DNM1L: variants seen among roughly 807,000 people sequenced by gnomAD.
DNM1L encodes the protein dynamin-1-like protein.
Under a neutral mutation model 92.8 loss-of-function variants are expected in DNM1L, and 33 were observed. The ratio of observed to expected loss-of-function variants is 0.36; its 90% confidence interval spans 0.27 to 0.48. The LOEUF is 0.48. Among genes scored for constraint, DNM1L ranks in the 20% least tolerant of loss-of-function variants. The probability of loss-of-function intolerance (pLI) is 0.99; values close to 1 mark genes in which losing one functional copy is unlikely to be tolerated. For synonymous variants in DNM1L, 284 were observed against 305.0 expected, an observed-to-expected ratio of 0.93 and a Z score of 0.72; for missense variants, 485 against 888.8, an observed-to-expected ratio of 0.55 and a Z score of 5.78.
chr12:32,724,429 A>G (rs1953967028), intron 9 of DNM1L, among the ~76,000 whole-genome samples: 1 of 151,516 alleles, frequency 6.6e-6, no homozygotes, highest in Admixed American at 6.6e-5. Flanking sequence ...TACAAAAATT[A>G]GCTGGGCGTG....
intron 18 of DNM1L, 78 bp downstream of exon 18, chr12:32,740,596 T>G (rs914843353): frequency 2.4e-5 from 31 of 1,300,938 alleles, no homozygotes; most frequent in Non-Finnish European, 4.3e-6. Flanking sequence ...AATACATGTA[T>G]TTTTACAATT....
At chr12:32,717,339 T>TAC (rs1953464060) in intron 6 of DNM1L, among the ~76,000 whole-genome samples, 2 of 82,268 alleles carry the variant, frequency 2.4e-5, no homozygotes, top group African/African-American at 1.1e-4. Flanking sequence ...ATTTTATATA[T>TAC]ACTATATATT....
Position 32,744,648 on chromosome 12 carries a change from G to A in DNM1L, c.*1238G>A. On this transcript the variant is annotated 3_prime_UTR_variant, in exon 20 of 20. Coordinates refer to ENST00000549701, the MANE Select transcript of DNM1L (RefSeq NM_012062.5). ...GAATTGCTTGACCCTGGGAGGTGGA[G>A]GTTGTGGTGAGCTAAGATCGTGCCA... The A allele has an allele frequency of 3.2e-6, 1 of 307,934 alleles. No individual in the cohort carries two copies. Among genetic ancestry groups the A allele is most frequent in the East Asian group, 1.1e-4 (1 of 9,126 alleles). The allele number at this position is 307,934 out of a possible 1,614,324, so 19.1% of individuals were successfully genotyped here. A position where few individuals can be genotyped will look rare whatever the true frequency, so the allele number is the denominator to read the frequency against.
intron 4 of DNM1L, 104 bp downstream of exon 4, chr12:32,708,328 C>T: frequency 1.3e-6 from 1 of 761,502 alleles, no homozygotes. Context: ...TACTCTTGAT[C>T]TTAGCCAAAA....
chr12:32,722,550 T>C lies in DNM1L; in HGVS notation c.996T>C (p.Thr332=), dbSNP rs1953856216. The change falls in exon 9 of 20, where the codon ACT becomes ACC. Residue 332 remains threonine (T), a synonymous_variant. Coordinates refer to ENST00000549701, the MANE Select transcript of DNM1L (RefSeq NM_012062.5). ...AACCCGTGGATGATAAAAGTGCTAC[T>C]TTACTCCAACTTATTACCAAATTTG... ...YGEPVDDKSA[T]LLQLITKFAT... 6.2e-7 allele frequency: 1 copy of C among 1,613,554 alleles called. No individual in the cohort carries two copies.
intron 1 of DNM1L, among the ~76,000 whole-genome samples, chr12:32,684,299 A>G (rs1037847607): frequency 6.6e-6 from 1 of 152,226 alleles, no homozygotes; most frequent in Non-Finnish European, 1.5e-5. Context: ...TTTGAAAAAT[A>G]TATTAGTGAA....
chr12:32,689,862 A>G (rs1382333818), intron 1 of DNM1L, among the ~76,000 whole-genome samples: 1 of 152,222 alleles, frequency 6.6e-6, no homozygotes, highest in African/African-American at 2.4e-5. Flanking sequence ...TCAAAACACT[A>G]AAAATCCCAA....
At chr12:32,719,392 T>C (rs537646851) in intron 7 of DNM1L, among the ~76,000 whole-genome samples, 1 of 152,354 alleles carries the variant, frequency 6.6e-6, no homozygotes, top group South Asian at 2.1e-4. Flanking sequence ...AAAAATTATC[T>C]AATGTGCACC....
chr12:32,722,645 A>C lies in DNM1L; in HGVS notation c.1079+12A>C, dbSNP rs1953859376. On this transcript the variant is annotated intron_variant, in intron 9 of 19. Transcript: ENST00000549701. The stretch of plus-strand genomic sequence containing the variant: ...GAAACTTCGGAGCTGTAAGTAAGAA[A>C]TTTTTCTGTAGATTTGGTTACCTAG... 3 of 1,604,240 alleles carry C rather than the reference A, an allele frequency of 1.9e-6. No homozygotes were observed. The East Asian group carries it at 6.7e-5, about 36-fold the overall frequency.
chr12:32,702,338 A>G (rs778809172), intron 2 of DNM1L, among the ~76,000 whole-genome samples: 16 of 151,776 alleles, frequency 1.1e-4, no homozygotes, highest in Non-Finnish European at 2.2e-4. Flanking sequence ...CTATCAGCAG[A>G]TTTTAAGTTG....
In DNM1L at chr12:32,710,956, A is replaced by C. The variant is rs1176938577; in HGVS notation, c.397A>C (p.Lys133Gln). 1 of 1,613,942 alleles carries C rather than the reference A, an allele frequency of 6.2e-7. No individual in the cohort carries two copies. Reference sequence around the variant, plus strand: ...AGTAAGCCCTGAACCAATTCATCTTAAGATTTTTTCACCCAACGTTGTCAA... The same window carrying C: ...AGTAAGCCCTGAACCAATTCATCTTCAGATTTTTTCACCCAACGTTGTCAA... ...KGVSPEPIHL[K>Q]IFSPNVVNLT... The change falls in exon 5 of 20, where the codon AAG (lysine) becomes CAG (glutamine). Residue 133 changes from lysine (K) to glutamine (Q), a missense_variant. Coordinates refer to ENST00000549701, the MANE Select transcript of DNM1L (RefSeq NM_012062.5).
At chr12:32,736,102 C>T (rs1954858267) in intron 13 of DNM1L, among the ~76,000 whole-genome samples, 1 of 133,536 alleles carries the variant, frequency 7.5e-6, no homozygotes, top group Admixed American at 8.0e-5. Flanking sequence ...GACAGAGTCT[C>T]ACTCTGTCGC....
Position 32,698,139 on chromosome 12 carries a change from A to C in DNM1L, c.103-3276A>C, listed in dbSNP as rs529627722. On this transcript the variant is annotated intron_variant, in intron 1 of 19. Coordinates refer to ENST00000549701, the MANE Select transcript of DNM1L (RefSeq NM_012062.5). ...AATGAGAGGGGCTACCCTGGATATCACAACTGCAGTTTCGCAGACATGTCT... is the reference window on the plus strand; with the variant it reads ...AATGAGAGGGGCTACCCTGGATATCCCAACTGCAGTTTCGCAGACATGTCT... 1.5e-4 allele frequency among the ~76,000 whole-genome samples: 23 copies of C among 152,324 alleles called. No homozygotes were observed. The South Asian group carries it at 4.6e-3, about 30-fold the overall frequency.
rs115127045 is a variant in DNM1L at position 32,715,754 on chromosome 12, C to T, written c.619+2383C>T. ...CAAAAAAAAAGAAAAATGCTTGTAACTGAAAAATACCATAGGTAAAATTGT... is the reference window on the plus strand; with the variant it reads ...CAAAAAAAAAGAAAAATGCTTGTAATTGAAAAATACCATAGGTAAAATTGT... On this transcript the variant is annotated intron_variant, in intron 6 of 19. Coordinates refer to ENST00000549701, the MANE Select transcript of DNM1L (RefSeq NM_012062.5). 9.3e-3 allele frequency among the ~76,000 whole-genome samples: 1,422 copies of T among 152,124 alleles called. 18 individuals carry two copies. Among genetic ancestry groups the T allele is most frequent in the African/African-American group, 0.032 (1,337 of 41,500 alleles).
intron 9 of DNM1L, chr12:32,727,036 A>G: frequency 4.1e-6 from 3 of 737,328 alleles, no homozygotes; most frequent in Non-Finnish European, 7.6e-6. Flanking sequence ...ACATTCTTAA[A>G]AACAGGTAAC....
intron 1 of DNM1L, among the ~76,000 whole-genome samples, chr12:32,700,417 G>C (rs541780877): frequency 6.6e-6 from 1 of 150,534 alleles, no homozygotes; most frequent in African/African-American, 2.4e-5. Flanking sequence ...TTAATGTATT[G>C]ATATGGAACA....
intron 2 of DNM1L, among the ~76,000 whole-genome samples, chr12:32,703,879 T>A (rs1164478126): frequency 1.3e-5 from 2 of 152,200 alleles, no homozygotes; most frequent in African/African-American, 4.8e-5. Context: ...CTGTCAACTG[T>A]GGGATAACTG....
rs1955192288 is a variant in DNM1L at position 32,740,227 on chromosome 12, A to G, written c.1871A>G (p.Asn624Ser). Reference protein sequence around the residue: ...PASPQKGHAVNLLDVPVPVAR... With the variant: ...PASPQKGHAVSLLDVPVPVAR... ...AGTCCACAAAAAGGTCATGCCGTGA[A>G]CCTGCTAGATGTGGTAAGCCATGAC... The change falls in exon 17 of 20, where the codon AAC becomes AGC. Residue 624 changes from asparagine (N) to serine (S), a missense_variant. Around this residue, in one of 11 missense-constraint regions of DNM1L, gnomAD observed 133 missense variants for 210.9 expected, o/e 0.63. Coordinates refer to ENST00000549701, the MANE Select transcript of DNM1L (RefSeq NM_012062.5). The G allele has an allele frequency of 6.2e-7, 1 of 1,614,092 alleles. No homozygotes were observed. Among genetic ancestry groups the G allele is most frequent in the Admixed American group, 1.7e-5 (1 of 60,010 alleles).
In DNM1L at chr12:32,724,593, AATATATATAT is replaced by A. The variant is rs869170631; in HGVS notation, c.1079+1978_1079+1987del. 9.0e-5 allele frequency among the ~76,000 whole-genome samples: 6 copies of A among 66,692 alleles called. No individual in the cohort carries two copies. The East Asian group carries it at 2.1e-3, about 24-fold the overall frequency. The allele number at this position is 66,692 out of a possible 152,430, so 43.8% of individuals were successfully genotyped here. A position where few individuals can be genotyped will look rare whatever the true frequency, so the allele number is the denominator to read the frequency against. ...TCTATCTCCAAAAAAAAAAAAAAAA[AATATATATAT>A]ATATATATATATATATAAATTATAT... On this transcript the variant is annotated intron_variant, in intron 9 of 19. Transcript: ENST00000549701.
Sources: gnomAD v4.1 joint callset for allele counts (sites outside exome capture counted in the v4.1 genomes callset) on GRCh38, gnomAD v4.1.1 for gene constraint, gnomAD v4.1.1 regional missense constraint, MANE v1.5 for transcripts, NCBI Gene and HGNC (gene_info 2026-07-23, HGNC 2026-07-21) for gene names.